GALNTL6: variants seen among roughly 807,000 people sequenced by gnomAD.
GALNTL6 encodes the protein polypeptide N-acetylgalactosaminyltransferase-like 6.
In GALNTL6, 46 loss-of-function variants were observed where a neutral mutation model predicts 73.7. The observed-to-expected ratio is 0.62, with a 90% CI of 0.49 to 0.80. GALNTL6 has a LOEUF of 0.80. Among genes scored for constraint, GALNTL6 ranks in the 30% least tolerant of loss-of-function variants. GALNTL6 has a pLI of 0.00. For synonymous variants in GALNTL6, 259 were observed against 263.7 expected (o/e 0.98, Z 0.17); for missense variants, 604 against 755.0 (o/e 0.80, Z 2.34).
rs934784020 is a variant in GALNTL6 at position 172,445,772 on chromosome 4, T to G, written c.553+97083T>G. ...ATTGTAAATTATTTGAATGTATGAG[T>G]GTGTTTTCTCTCTTCCTCCTTTGTT... On this transcript the variant is annotated intron_variant, in intron 5 of 12. Transcript: ENST00000506823. 5.3e-5 allele frequency among the ~76,000 whole-genome samples: 8 copies of G among 152,292 alleles called. No homozygotes were observed. The East Asian group carries it at 1.5e-3, about 29-fold the overall frequency.
At chr4:172,887,816 G>T (rs572643780) in intron 8 of GALNTL6, among the ~76,000 whole-genome samples, 1 of 151,936 alleles carries the variant, frequency 6.6e-6, no homozygotes, top group African/African-American at 2.4e-5. Context: ...TGCCTGCCTC[G>T]GCCTCCCAAA....
intron 5 of GALNTL6, chr4:172,667,595 C>T (rs1194578112): frequency 6.6e-5 from 10 of 152,192 alleles, no homozygotes; most frequent in Admixed American, 6.5e-4. Flanking sequence ...TGGTTGTTCT[C>T]AGGTTTTAGA....
chr4:171,921,161 T>C (rs1327726338), intron 2 of GALNTL6, among the ~76,000 whole-genome samples: 1 of 152,056 alleles, frequency 6.6e-6, no homozygotes, highest in Admixed American at 6.6e-5. Flanking sequence ...TTGACAACAA[T>C]TTGTAATTAA....
At chr4:172,429,231 A>G (rs921407860) in intron 5 of GALNTL6, among the ~76,000 whole-genome samples, 3 of 22,744 alleles carry the variant, frequency 1.3e-4, no homozygotes, top group Admixed American at 1.2e-3. Flanking sequence ...TTATTTTTTG[A>G]GACTGAGTCT....
intron 7 of GALNTL6, 106 bp downstream of exon 7, chr4:172,813,829 A>G (rs1218420325): frequency 3.7e-6 from 3 of 813,284 alleles, no homozygotes; most frequent in Non-Finnish European, 5.6e-6. Context: ...ATGGAATAAA[A>G]CAGGCGGCAA....
At chr4:172,583,946 T>C (rs1579212258) in intron 5 of GALNTL6, among the ~76,000 whole-genome samples, 1 of 142,186 alleles carries the variant, frequency 7.0e-6, no homozygotes, top group South Asian at 2.3e-4. Flanking sequence ...TAGAACGCAA[T>C]GTAAACTGTA....
intron 5 of GALNTL6, among the ~76,000 whole-genome samples, chr4:172,389,019 A>C (rs1449835233): frequency 1.3e-5 from 2 of 152,054 alleles, no homozygotes; most frequent in Non-Finnish European, 1.5e-5. Flanking sequence ...AGTTTTTTAA[A>C]ATCATCCTCC....
intron 3 of GALNTL6, among the ~76,000 whole-genome samples, chr4:172,304,683 T>C (rs868363315): frequency 6.6e-6 from 1 of 152,224 alleles, no homozygotes; most frequent in East Asian, 1.9e-4. Context: ...GGGTTTTTTT[T>C]CCCCCGGACA....
At chr4:172,258,087 T>G (rs1738143636) in intron 3 of GALNTL6, among the ~76,000 whole-genome samples, 1 of 151,350 alleles carries the variant, frequency 6.6e-6, no homozygotes, top group African/African-American at 2.4e-5. Context: ...ATTTTAGCTC[T>G]GAATCAATGC....
At chr4:173,023,159 A>T (rs1051740008) in intron 12 of GALNTL6, among the ~76,000 whole-genome samples, 2 of 152,144 alleles carry the variant, frequency 1.3e-5, no homozygotes, top group African/African-American at 4.8e-5. Flanking sequence ...TAAAGGAGAG[A>T]AGTGGTGGAG....
intron 5 of GALNTL6, among the ~76,000 whole-genome samples, chr4:172,745,020 C>A (rs1275219713): frequency 6.6e-6 from 1 of 151,760 alleles, no homozygotes; most frequent in Non-Finnish European, 1.5e-5. Context: ...AGATTAAGAG[C>A]ATACTTGGAG....
chr4:173,020,464 T>C (rs921925588), intron 11 of GALNTL6, among the ~76,000 whole-genome samples: 4 of 152,238 alleles, frequency 2.6e-5, no homozygotes, highest in Non-Finnish European at 5.9e-5. Flanking sequence ...TATCATTTCA[T>C]GAAACTTCTG....
At chr4:172,649,765 A>C (rs1269449785) in intron 5 of GALNTL6, among the ~76,000 whole-genome samples, 2 of 152,210 alleles carry the variant, frequency 1.3e-5, no homozygotes, top group Non-Finnish European at 2.9e-5. Flanking sequence ...CAAGTTAATA[A>C]AATGAAACAT....
At chr4:172,376,113 A>G (rs1272831554) in intron 5 of GALNTL6, among the ~76,000 whole-genome samples, 1 of 152,176 alleles carries the variant, frequency 6.6e-6, no homozygotes, top group South Asian at 2.1e-4. Flanking sequence ...TTTGGGCAAA[A>G]ATTGTGTCCT....
chr4:172,432,179 A>G (rs568318904), intron 5 of GALNTL6, among the ~76,000 whole-genome samples: 2 of 152,110 alleles, frequency 1.3e-5, no homozygotes, highest in South Asian at 4.1e-4. Context: ...TAAATCACAC[A>G]GTGTTGAAGC....
intron 5 of GALNTL6, among the ~76,000 whole-genome samples, chr4:172,534,996 G>A (rs543829271): frequency 6.6e-6 from 1 of 152,318 alleles, no homozygotes; most frequent in South Asian, 2.1e-4. Context: ...CATCTATATA[G>A]TCAGTGGAGT....
At chr4:172,345,858 A>G (rs890921001) in intron 4 of GALNTL6, among the ~76,000 whole-genome samples, 8 of 152,346 alleles carry the variant, frequency 5.3e-5, no homozygotes, top group Admixed American at 5.2e-4. Flanking sequence ...CACTGTGGGC[A>G]ACCGAGGTGT....
intron 5 of GALNTL6, among the ~76,000 whole-genome samples, chr4:172,444,173 A>G (rs893152700): frequency 3.9e-5 from 6 of 152,182 alleles, no homozygotes; most frequent in African/African-American, 1.4e-4. Flanking sequence ...GCTTGGGCGT[A>G]ATTTGTGAAA....
intron 2 of GALNTL6, among the ~76,000 whole-genome samples, chr4:172,130,168 A>T (rs1019976083): frequency 9.1e-5 from 13 of 142,092 alleles, no homozygotes; most frequent in Non-Finnish European, 1.8e-4. Flanking sequence ...TGTTGGGTAG[A>T]TCTCATTACA....
Sources: allele counts gnomAD v4.1 joint callset (sites outside exome capture counted in the v4.1 genomes callset), GRCh38; gene constraint gnomAD v4.1.1; transcripts MANE v1.5; gene names NCBI Gene and HGNC (gene_info 2026-07-23, HGNC 2026-07-21).